The following CCDC171 variants were observed in gnomAD, a reference collection of about 807,000 sequenced individuals.
CCDC171 encodes the protein coiled-coil domain containing 171.
Under a neutral mutation model 168.2 loss-of-function variants are expected in CCDC171, and 177 were observed. The ratio of observed to expected loss-of-function variants is 1.05; its 90% CI spans 0.93 to 1.19. The LOEUF is 1.19. CCDC171 is among the 50% of genes most tolerant of loss of function. The pLI is 0.00. For synonymous variants in CCDC171, 687 were observed against 540.8 expected (o/e 1.27, Z -3.75); for missense variants, 1,991 against 1,539.0 (o/e 1.29, Z -4.91).
At chr9:15,842,922 TAAG>T (rs891996008) in intron 21 of CCDC171, among the ~76,000 whole-genome samples, 1 of 151,910 alleles carries the variant, frequency 6.6e-6, no homozygotes, top group African/African-American at 2.4e-5. Context: ...GAACTATGGA[TAAG>T]AAAAAATACA....
intron 15 of CCDC171, among the ~76,000 whole-genome samples, chr9:15,728,883 G>A (rs1350051471): frequency 1.3e-5 from 2 of 152,022 alleles, no homozygotes; most frequent in Non-Finnish European, 2.9e-5. Flanking sequence ...TAATAAAACA[G>A]CATATTGACC....
At chr9:15,727,164 T>C (rs925751153) in intron 14 of CCDC171, among the ~76,000 whole-genome samples, 1 of 152,160 alleles carries the variant, frequency 6.6e-6, no homozygotes, top group African/African-American at 2.4e-5. Flanking sequence ...TTTTTTTTGC[T>C]GTTACTTTAT....
At chr9:15,773,076 A>G (rs1016018960) in intron 18 of CCDC171, among the ~76,000 whole-genome samples, 1 of 152,096 alleles carries the variant, frequency 6.6e-6, no homozygotes, top group Non-Finnish European at 1.5e-5. Flanking sequence ...AACGTTACTA[A>G]TTATTACCTT....
Position 16,017,473 on chromosome 9 carries a change from T to C in CCDC171, n.369-3116T>C, listed in dbSNP as rs140334902. 2.0e-5 allele frequency among the ~76,000 whole-genome samples: 3 copies of C among 152,276 alleles called. No individual in the cohort carries two copies. In the East Asian group the frequency reaches 5.8e-4, roughly 29 times the overall value. The stretch of plus-strand genomic sequence containing the variant: ...ATAAATAATACTATAGTGAACCTCA[T>C]AGTCCATACAACTTTTAAAATATAT... On this transcript the variant is annotated intron_variant and non_coding_transcript_variant, in intron 3 of 9. Coordinates refer to the CCDC171 transcript ENST00000486641.
intron 24 of CCDC171, chr9:15,888,955 T>C (rs1412064147): frequency 1.6e-4 from 15 of 91,318 alleles, no homozygotes; most frequent in African/African-American, 4.5e-4. Flanking sequence ...TTTTCTTTTT[T>C]TTTTTTTTTT....
chr9:15,991,271 A>G (rs998057651), intron 3 of CCDC171, among the ~76,000 whole-genome samples: 23 of 152,186 alleles, frequency 1.5e-4, no homozygotes, highest in African/African-American at 4.6e-4. Context: ...CAGGATTAAG[A>G]AACTCACTCC....
intron 3 of CCDC171, among the ~76,000 whole-genome samples, chr9:16,004,288 G>GT (rs1409732006): frequency 1.3e-5 from 2 of 152,188 alleles, no homozygotes; most frequent in Non-Finnish European, 2.9e-5. Flanking sequence ...ATTTTAACTA[G>GT]TGTGTCAGGC....
chr9:15,771,581 T>G (rs2057015845), intron 18 of CCDC171, among the ~76,000 whole-genome samples: 1 of 151,826 alleles, frequency 6.6e-6, no homozygotes, highest in African/African-American at 2.4e-5. Flanking sequence ...TTTATCATAG[T>G]GCAAATAATT....
chr9:15,715,156 G>A (rs371122855), intron 11 of CCDC171, among the ~76,000 whole-genome samples: 3 of 152,138 alleles, frequency 2.0e-5, no homozygotes, highest in Non-Finnish European at 4.4e-5. Context: ...AGGGACTTCC[G>A]TTACTAATAT....
chr9:15,770,828 C>T (rs1393194076), intron 18 of CCDC171, among the ~76,000 whole-genome samples: 1 of 152,132 alleles, frequency 6.6e-6, no homozygotes, highest in Non-Finnish European at 1.5e-5. Flanking sequence ...GAAACCTGCA[C>T]AGAAAGTAAA....
At chr9:15,689,734 A>C (rs2050655148) in intron 10 of CCDC171, among the ~76,000 whole-genome samples, 1 of 152,184 alleles carries the variant, frequency 6.6e-6, no homozygotes, top group Non-Finnish European at 1.5e-5. Flanking sequence ...GGGACTATGA[A>C]TAGCCAAAAT....
the CCDC171 span, among the ~76,000 whole-genome samples, chr9:16,079,327 C>T: frequency 6.6e-6 from 1 of 152,154 alleles, no homozygotes; most frequent in Non-Finnish European, 1.5e-5. Flanking sequence ...AGAATGTGAC[C>T]TTATTTGGAG....
chr9:16,107,562 CAT>C, the CCDC171 span, among the ~76,000 whole-genome samples: 2 of 151,952 alleles, frequency 1.3e-5, no homozygotes, highest in East Asian at 1.9e-4. Context: ...CACACACACA[CAT>C]ATACATATAT....
chr9:15,784,788 C>T (rs1209834335), intron 21 of CCDC171, 94 bp downstream of exon 21: 10 of 912,338 alleles, frequency 1.1e-5, no homozygotes, highest in Non-Finnish European at 1.5e-5. Context: ...GGAATAGATC[C>T]CAAGATGTAA....
At chr9:16,003,130 A>G (rs1421683463) in intron 3 of CCDC171, among the ~76,000 whole-genome samples, 1 of 152,222 alleles carries the variant, frequency 6.6e-6, no homozygotes, top group Non-Finnish European at 1.5e-5. Context: ...TGATTGTAAA[A>G]AAGAAAAATC....
chr9:16,008,894 C>G (rs1221348046), intron 3 of CCDC171, among the ~76,000 whole-genome samples: 2 of 152,178 alleles, frequency 1.3e-5, no homozygotes, highest in Non-Finnish European at 2.9e-5. Flanking sequence ...CCCTAGCCCT[C>G]TGGCCATCAT....
At chr9:15,689,241 A>T (rs1003966535) in intron 10 of CCDC171, among the ~76,000 whole-genome samples, 2 of 152,192 alleles carry the variant, frequency 1.3e-5, no homozygotes, top group Non-Finnish European at 2.9e-5. Context: ...AAAATATCTC[A>T]TGTTCATGTA....
the CCDC171 span, among the ~76,000 whole-genome samples, chr9:16,081,451 A>C: frequency 6.6e-6 from 1 of 152,092 alleles, no homozygotes; most frequent in Non-Finnish European, 1.5e-5. Context: ...TTTTTGTTCT[A>C]TGGTTGGGAG....
chr9:15,592,390 A>G (rs1020507218), intron 5 of CCDC171, among the ~76,000 whole-genome samples: 20 of 152,104 alleles, frequency 1.3e-4, no homozygotes, highest in Non-Finnish European at 2.6e-4. Flanking sequence ...GGTGATAAAA[A>G]TGTTCTACCT....
Sources: gnomAD v4.1 joint callset for allele counts (sites outside exome capture counted in the v4.1 genomes callset) on GRCh38, gnomAD v4.1.1 for gene constraint, MANE v1.5 for transcripts, NCBI Gene and HGNC (gene_info 2026-07-23, HGNC 2026-07-21) for gene names.